PSEN2: variants seen among roughly 807,000 people sequenced by gnomAD.
The protein encoded by PSEN2 is presenilin-2.
A neutral mutation model predicts 49.1 loss-of-function variants in PSEN2; 32 were observed. The observed-to-expected ratio is 0.65, with a 90% confidence interval of 0.49 to 0.88. The LOEUF (loss-of-function observed/expected upper bound fraction) is 0.88, where lower values mean the gene tolerates loss of function less well. Among genes scored for constraint, PSEN2 ranks in the 40% least tolerant of loss-of-function variants. PSEN2 has a pLI of 0.00. For synonymous variants in PSEN2, 255 were observed against 244.0 expected (o/e 1.05, Z -0.42); for missense variants, 522 against 586.9 (o/e 0.89, Z 1.14).
intron 2 of PSEN2, among the ~76,000 whole-genome samples, chr1:226,875,050 A>G (rs1413118516): frequency 6.6e-6 from 1 of 152,166 alleles, no homozygotes; most frequent in African/African-American, 2.4e-5. Flanking sequence ...TCTGAGTGGG[A>G]CAGGGCTGTT....
Position 226,895,595 on chromosome 1 carries a change from A to C in PSEN2, c.*16A>C, listed in dbSNP as rs1286257003. 6.2e-7 allele frequency: 1 copy of C among 1,606,808 alleles called. No individual in the cohort carries two copies. Among genetic ancestry groups the C allele is most frequent in the African/African-American group, 1.3e-5 (1 of 74,910 alleles). ...CTACATCTGAGGGACATGGTGTGCC[A>C]CAGGCTGCAAGCTGCAGGGAATTTT... On this transcript the variant is annotated 3_prime_UTR_variant, in exon 13 of 13. Coordinates refer to ENST00000366783, the MANE Select transcript of PSEN2 (RefSeq NM_000447.3).
intron 12 of PSEN2, among the ~76,000 whole-genome samples, chr1:226,903,056 T>G (rs922527659): frequency 6.6e-6 from 1 of 152,184 alleles, no homozygotes; most frequent in Non-Finnish European, 1.5e-5. Flanking sequence ...AAAATAAATT[T>G]TTAAAAATTG....
intron 6 of PSEN2, 47 bp downstream of exon 6, chr1:226,885,726 C>G: frequency 6.3e-7 from 1 of 1,599,212 alleles, no homozygotes; most frequent in Non-Finnish European, 8.5e-7. Flanking sequence ...TCCGTCTGCC[C>G]CACACCATGG....
chr1:226,895,672 CT>C lies in PSEN2; in HGVS notation c.*97del. The stretch of plus-strand genomic sequence containing the variant: ...ACTCTAGTGCCATATATTTTTAAGA[CT>C]TTTCTTTCCTTAAAAAATAAAGTAC... On this transcript the variant is annotated 3_prime_UTR_variant, in exon 13 of 13. Coordinates refer to ENST00000366783, the MANE Select transcript of PSEN2 (RefSeq NM_000447.3). 4 of 1,396,076 alleles carry C rather than the reference CT, an allele frequency of 2.9e-6. No individual in the cohort carries two copies. The Admixed American group carries it at 8.2e-5, about 29-fold the overall frequency. The allele number at this position is 1,396,076 out of a possible 1,614,324, so 86.5% of individuals were successfully genotyped here.
chr1:226,891,868 C>A, intron 11 of PSEN2, 24 bp downstream of exon 11: 1 of 1,597,670 alleles, frequency 6.3e-7, no homozygotes. Context: ...GTTCACACGG[C>A]CTGCTTCAGC....
At chr1:226,876,119 T>C (rs1473224576) in intron 3 of PSEN2, among the ~76,000 whole-genome samples, 1 of 151,894 alleles carries the variant, frequency 6.6e-6, no homozygotes, top group East Asian at 1.9e-4. Flanking sequence ...TGAGTCAGCC[T>C]CCGGGGAGAG....
chr1:226,881,240 C>T (rs1660966456), intron 3 of PSEN2, among the ~76,000 whole-genome samples: 1 of 152,180 alleles, frequency 6.6e-6, no homozygotes, highest in Non-Finnish European at 1.5e-5. Context: ...TCAAGATTGT[C>T]CTCAGGGTGA....
At chr1:226,884,104 G>GC in intron 5 of PSEN2, among the ~76,000 whole-genome samples, 185 bp downstream of exon 5, 1 of 152,312 alleles carries the variant, frequency 6.6e-6, no homozygotes, top group African/African-American at 2.4e-5. Flanking sequence ...ACCTACTTGG[G>GC]CATGCTTTTA....
At chr1:226,891,945 A>G in intron 11 of PSEN2, 101 bp downstream of exon 11, 3 of 1,065,166 alleles carry the variant, frequency 2.8e-6, no homozygotes, top group Non-Finnish European at 4.3e-6. Context: ...GCATGAGGGG[A>G]GGGGCCCCTT....
rs199707432 is a variant in PSEN2, at chr1:226,890,040, G to A, written c.793G>A (p.Val265Met). The A allele has an allele frequency of 4.3e-6, 7 of 1,613,000 alleles. No homozygotes were observed. Among genetic ancestry groups the A allele is most frequent in the East Asian group, 4.5e-5 (2 of 44,890 alleles). ...GGATGTCTCTGTCTTCCTAGATCTC[G>A]TGGCTGTGCTGTGTCCCAAAGGGCC... ...ILGAISVYDL[V>M]AVLCPKGPLR... Residue 265 changes from valine (V) to methionine (M), a missense_variant, in exon 9 of 13, where the codon GTG (valine) becomes ATG (methionine). Coordinates refer to ENST00000366783, the MANE Select transcript of PSEN2 (RefSeq NM_000447.3).
intron 12 of PSEN2, among the ~76,000 whole-genome samples, chr1:226,903,203 AC>A (rs1055876837): frequency 2.6e-5 from 4 of 151,864 alleles, no homozygotes; most frequent in African/African-American, 9.7e-5. Flanking sequence ...CTTTCATGAC[AC>A]CCTGTCTCTG....
intron 8 of PSEN2, 67 bp from the exon 9 acceptor site, chr1:226,889,968 A>G (rs1661630052): frequency 1.5e-6 from 2 of 1,293,384 alleles, no homozygotes; most frequent in East Asian, 2.3e-5. Flanking sequence ...CTCCTGTGCT[A>G]CAGGGCAGGC....
chr1:226,891,953 C>T (rs1661786536), intron 11 of PSEN2, 109 bp downstream of exon 11: 2 of 914,394 alleles, frequency 2.2e-6, no homozygotes, highest in East Asian at 2.5e-5. Context: ...GGAGGGGCCC[C>T]TTTTCCCATC....
chr1:226,875,574 G>C (rs961266832), intron 3 of PSEN2, 24 bp downstream of exon 3: 1 of 152,172 alleles, frequency 6.6e-6, no homozygotes, highest in Non-Finnish European at 1.5e-5. Flanking sequence ...CTCCCAACCT[G>C]CTTTTGAACC....
chr1:226,897,137 CGG>C (rs1662178970), downstream of PSEN2, among the ~76,000 whole-genome samples: 1 of 152,032 alleles, frequency 6.6e-6, no homozygotes, highest in Non-Finnish European at 1.5e-5. Flanking sequence ...GAAGCCACAG[CGG>C]GGAGCGGGTA....
chr1:226,872,550 T>G (rs1415210564), intron 2 of PSEN2, among the ~76,000 whole-genome samples: 3 of 152,230 alleles, frequency 2.0e-5, no homozygotes, highest in Non-Finnish European at 4.4e-5. Context: ...TCTCCACTAC[T>G]GCTGGGAAAG....
At position 226,891,725 on chromosome 1, in the gene PSEN2, C is replaced by T. The variant is rs760890655; in HGVS notation, c.971-18C>T. On this transcript the variant is annotated intron_variant, in intron 10 of 12. Transcript: ENST00000366783. Reference sequence around the variant, plus strand: ...TCCTCACGGTGATGACGGACATCTTCTCTTCCTGGACACCCAGAAGAAGAC... The same window carrying T: ...TCCTCACGGTGATGACGGACATCTTTTCTTCCTGGACACCCAGAAGAAGAC... The T allele has an allele frequency of 8.8e-6, 14 of 1,598,376 alleles. No individual in the cohort carries two copies. The East Asian group carries it at 1.8e-4, about 20-fold the overall frequency.
intron 6 of PSEN2, among the ~76,000 whole-genome samples, chr1:226,887,703 C>G (rs1661452349): frequency 6.6e-6 from 1 of 152,174 alleles, no homozygotes; most frequent in Non-Finnish European, 1.5e-5. Flanking sequence ...GTCTATATGT[C>G]ATCTAACACC....
chr1:226,891,577 C>T (rs574523822), intron 10 of PSEN2, among the ~76,000 whole-genome samples, 166 bp from the exon 11 acceptor site: 1 of 151,866 alleles, frequency 6.6e-6, no homozygotes, highest in East Asian at 1.9e-4. Flanking sequence ...TTCTGCTGGG[C>T]GTGGGTGGGT....
Sources: gnomAD v4.1 joint callset for allele counts (sites outside exome capture counted in the v4.1 genomes callset) on GRCh38, gnomAD v4.1.1 for gene constraint, MANE v1.5 for transcripts, NCBI Gene and HGNC (gene_info 2026-07-23, HGNC 2026-07-21) for gene names.